The following LRRC9 variants were observed in gnomAD, a reference collection of about 807,000 sequenced individuals.
LRRC9 encodes leucine rich repeat containing 9, also known as leucine-rich repeat-containing protein 9.
A neutral mutation model predicts 63.2 loss-of-function variants in LRRC9; 122 were observed. The ratio of observed to expected loss-of-function variants is 1.93; its 90% CI spans 1.67 to 2.24. The LOEUF is 2.24. Ranked by LOEUF, LRRC9 falls within the 30% of genes most tolerant of loss-of-function variation. The pLI, the probability that LRRC9 is intolerant of heterozygous loss-of-function variation, is 0.00. For synonymous variants in LRRC9, 366 were observed against 213.1 expected (o/e 1.72, Z -6.25); for missense variants, 1,071 against 627.7 (o/e 1.71, Z -7.55).
intron 19 of LRRC9, among the ~76,000 whole-genome samples, chr14:60,001,277 G>A (rs922969422): frequency 1.3e-5 from 2 of 151,894 alleles, no homozygotes; most frequent in Non-Finnish European, 2.9e-5. Flanking sequence ...TTGCATGTAT[G>A]TACCAGGAAA....
At chr14:59,928,241 T>C in intron 2 of LRRC9, 27 bp from the exon 3 acceptor site, 1 of 566,742 alleles carries the variant, frequency 1.8e-6, no homozygotes. Flanking sequence ...AAATAGGTAA[T>C]GACCAAATTT....
intron 13 of LRRC9, among the ~76,000 whole-genome samples, chr14:59,976,263 A>C (rs1218786336): frequency 6.6e-6 from 1 of 152,202 alleles, no homozygotes; most frequent in Non-Finnish European, 1.5e-5. Context: ...GTACACAATA[A>C]ATATAATACA....
At chr14:59,975,149 A>ATG (rs565769876) in intron 13 of LRRC9, among the ~76,000 whole-genome samples, 6 of 29,340 alleles carry the variant, frequency 2.0e-4, no homozygotes, top group African/African-American at 4.4e-4. Context: ...ACATATATAT[A>ATG]TGTATATATA....
chr14:60,055,801 A>C (rs1451116648), intron 30 of LRRC9, among the ~76,000 whole-genome samples: 1 of 149,902 alleles, frequency 6.7e-6, no homozygotes, highest in Non-Finnish European at 1.5e-5. Flanking sequence ...GCTACTCAGG[A>C]GGCTAAGGTG....
At chr14:59,951,536 G>A (rs1240180032) in intron 8 of LRRC9, among the ~76,000 whole-genome samples, 2 of 146,156 alleles carry the variant, frequency 1.4e-5, no homozygotes, top group African/African-American at 2.6e-5. Flanking sequence ...TTCCGTTGCT[G>A]GTGAGGAACT....
intron 17 of LRRC9, among the ~76,000 whole-genome samples, chr14:59,993,272 G>A (rs941402014): frequency 6.6e-6 from 1 of 152,146 alleles, no homozygotes; most frequent in African/African-American, 2.4e-5. Context: ...GAGAGATTCT[G>A]TCACCACCAG....
intron 29 of LRRC9, among the ~76,000 whole-genome samples, chr14:60,038,208 C>A (rs1183135207): frequency 6.6e-6 from 1 of 152,084 alleles, no homozygotes; most frequent in African/African-American, 2.4e-5. Flanking sequence ...GTGATGCCTC[C>A]AGCTTTGTTC....
At chr14:59,984,024 T>C (rs1204706008) in intron 16 of LRRC9, among the ~76,000 whole-genome samples, 3 of 152,188 alleles carry the variant, frequency 2.0e-5, no homozygotes, top group Non-Finnish European at 4.4e-5. Context: ...GATATAACGG[T>C]GTGGCCTGTT....
chr14:59,993,293 C>A (rs939635401), intron 17 of LRRC9, among the ~76,000 whole-genome samples: 6 of 152,164 alleles, frequency 3.9e-5, no homozygotes, highest in Non-Finnish European at 7.3e-5. Context: ...GCCTGCCCTA[C>A]AAGAGCTCCT....
At chr14:59,980,171 C>T (rs1162008478) in intron 15 of LRRC9, among the ~76,000 whole-genome samples, 1 of 151,780 alleles carries the variant, frequency 6.6e-6, no homozygotes, top group Non-Finnish European at 1.5e-5. Context: ...TTTTTTAATC[C>T]ATCTAGAAAT....
At chr14:59,945,322 T>C (rs1484862696) in intron 8 of LRRC9, among the ~76,000 whole-genome samples, 2 of 152,010 alleles carry the variant, frequency 1.3e-5, no homozygotes, top group Non-Finnish European at 2.9e-5. Flanking sequence ...GAATCTTGTA[T>C]ATATAGTAAT....
At chr14:60,015,367 AC>A (rs1425625254) in intron 23 of LRRC9, among the ~76,000 whole-genome samples, 2 of 152,024 alleles carry the variant, frequency 1.3e-5, no homozygotes. Flanking sequence ...TTTATTCTGG[AC>A]ATTTGGGGTA....
At position 59,938,940 on chromosome 14, in the gene LRRC9, C is replaced by CACAT. The variant is rs1566790230; in HGVS notation, c.726+369_726+370insCATA. Among the ~76,000 whole-genome samples, 670 of 109,274 alleles carry CACAT rather than the reference C, an allele frequency of 6.1e-3. 11 individuals are homozygous for CACAT. Among genetic ancestry groups the CACAT allele is most frequent in the African/African-American group, 0.023 (632 of 27,320 alleles). The allele number at this position is 109,274 out of a possible 152,430, so 71.7% of individuals were successfully genotyped here. On this transcript the variant is annotated intron_variant, in intron 7 of 31. Transcript: ENST00000445360. This position sits in a 1 kb window ranked among gnomAD's most constrained non-coding sequence, Gnocchi z 4.2. ...ATATGCATATATATACACATATATA[C>CACAT]ATATACATACATATATACACACATA...
chr14:59,969,600 G>A (rs1373247810), intron 12 of LRRC9, among the ~76,000 whole-genome samples: 2 of 152,326 alleles, frequency 1.3e-5, no homozygotes, highest in East Asian at 3.9e-4. Context: ...TCTACAGGCA[G>A]AGGGCTGGCC....
At chr14:60,015,781 CTGCTGAG>C (rs1297116058) in intron 23 of LRRC9, among the ~76,000 whole-genome samples, 5 of 152,164 alleles carry the variant, frequency 3.3e-5, no homozygotes, top group African/African-American at 1.2e-4. Flanking sequence ...ACATGTGTTA[CTGCTGAG>C]GAGGGATGAA....
At chr14:60,039,213 G>A (rs1384921668) in intron 29 of LRRC9, among the ~76,000 whole-genome samples, 2 of 152,178 alleles carry the variant, frequency 1.3e-5, no homozygotes, top group Non-Finnish European at 2.9e-5. Context: ...AGGGATATTG[G>A]TCTAAAATTC....
At position 60,004,503 on chromosome 14, in the gene LRRC9, T is replaced by C. The variant is rs998998699; in HGVS notation, c.2842+705T>C. On this transcript the variant is annotated intron_variant, in intron 21 of 31. Coordinates refer to ENST00000445360, the Ensembl canonical transcript of LRRC9. This position sits in a 1 kb window ranked among gnomAD's most constrained non-coding sequence, Gnocchi z 4.8. ...CAATATAATATATTTTATTTGACTG[T>C]TTAAAGTTCAGTATTAAAACATATT... Among the ~76,000 whole-genome samples, 2 of 152,068 alleles carry C rather than the reference T, an allele frequency of 1.3e-5. No individual in the cohort carries two copies. The highest frequency in any genetic ancestry group is 2.9e-5 in the Non-Finnish European group (2 of 67,946).
rs1417062878 is a variant in LRRC9, at chr14:59,927,420, T to C, written c.-33-491T>C. ...GAGTATTTATTTTAATAAACACTTATTACTATGCCAAAAATGTTGCTAAGC... is the reference window on the plus strand; with the variant it reads ...GAGTATTTATTTTAATAAACACTTACTACTATGCCAAAAATGTTGCTAAGC... On this transcript the variant is annotated intron_variant, in intron 1 of 31. Transcript: ENST00000445360. The surrounding 1 kb of genome is among the most constrained non-coding windows in gnomAD (Gnocchi z 4.4). Among the ~76,000 whole-genome samples, 1 of 152,110 alleles carries C rather than the reference T, an allele frequency of 6.6e-6. No homozygotes were observed. The highest frequency in any genetic ancestry group is 1.5e-5 in the Non-Finnish European group (1 of 67,950).
intron 12 of LRRC9, among the ~76,000 whole-genome samples, chr14:59,974,276 C>A (rs1171364814): frequency 2.0e-5 from 3 of 152,030 alleles, no homozygotes; most frequent in African/African-American, 7.2e-5. Flanking sequence ...TAGTGGAGTA[C>A]TCATTGAAAG....
Sources: allele counts gnomAD v4.1 joint callset (sites outside exome capture counted in the v4.1 genomes callset), GRCh38; gene constraint gnomAD v4.1.1; non-coding constraint Gnocchi (gnomAD v3.1); transcripts MANE v1.5; gene names NCBI Gene and HGNC (gene_info 2026-07-23, HGNC 2026-07-21).